KIAA1328: variants seen among roughly 807,000 people sequenced by gnomAD.
KIAA1328 encodes protein hinderin.
In KIAA1328, 52 loss-of-function variants were observed where a neutral mutation model predicts 68.1. That is an observed-to-expected ratio of 0.76 (90% confidence interval 0.61 to 0.96). KIAA1328 has a LOEUF of 0.96. Ranked by LOEUF, KIAA1328 falls within the 40% of genes least tolerant of loss-of-function variation. The pLI is 0.00. For missense variants in KIAA1328, 641 were observed against 677.6 expected, an observed-to-expected ratio of 0.95 and a Z score of 0.60; for synonymous variants, 232 against 239.4, an observed-to-expected ratio of 0.97 and a Z score of 0.28.
rs564856190 is a variant in KIAA1328 at position 36,890,226 on chromosome 18, CTT to C, written c.448+4566_448+4567del. ...AACTAGCTTTTTTTTCTTTCTTCTT[CTT>C]TTTTTTTTTTTAAAAAAAAAGCAAA... On this transcript the variant is annotated intron_variant, in intron 5 of 9. Transcript: ENST00000280020. Among the ~76,000 whole-genome samples the C allele has an allele frequency of 2.7e-3, 375 of 140,296 alleles. 2 individuals are homozygous for C. Among genetic ancestry groups the C allele is most frequent in the African/African-American group, 9.2e-3 (351 of 38,144 alleles). The allele number at this position is 140,296 out of a possible 152,430, so 92.0% of individuals were successfully genotyped here. A position where few individuals can be genotyped will look rare whatever the true frequency, so the allele number is the denominator to read the frequency against.
chr18:37,081,752 C>A (rs896348966), intron 7 of KIAA1328, among the ~76,000 whole-genome samples: 1 of 151,970 alleles, frequency 6.6e-6, no homozygotes, highest in Non-Finnish European at 1.5e-5. Flanking sequence ...CTTTTCAGTG[C>A]ATCCTTCATG....
chr18:36,943,493 A>G (rs1186727726), intron 5 of KIAA1328, among the ~76,000 whole-genome samples: 2 of 152,236 alleles, frequency 1.3e-5, no homozygotes, highest in Non-Finnish European at 2.9e-5. Context: ...TAAGTCCAGT[A>G]GTCTTGCAAT....
Position 37,155,941 on chromosome 18 carries a change from GTTAAGT to G in KIAA1328, c.1233-4256_1233-4251del, listed in dbSNP as rs1259537528. ...CTTACATTTTTCCTTATCTTTCAAG[GTTAAGT>G]TTGAGTATTTCAGGAATCTCTCTTC... On this transcript the variant is annotated intron_variant, in intron 7 of 9. Coordinates refer to ENST00000280020, the MANE Select transcript of KIAA1328 (RefSeq NM_020776.3). Among the ~76,000 whole-genome samples the G allele has an allele frequency of 4.1e-4, 62 of 152,086 alleles. 1 individual carries two copies. Among genetic ancestry groups the G allele is most frequent in the Non-Finnish European group, 4.4e-5 (3 of 68,034 alleles).
chr18:36,836,922 C>T (rs1218304273), intron 3 of KIAA1328, among the ~76,000 whole-genome samples: 1 of 152,076 alleles, frequency 6.6e-6, no homozygotes, highest in African/African-American at 2.4e-5. Flanking sequence ...TTTGATTTAG[C>T]ATAATGATTT....
intron 5 of KIAA1328, among the ~76,000 whole-genome samples, chr18:36,895,009 T>C (rs1207011371): frequency 6.6e-6 from 1 of 152,180 alleles, no homozygotes; most frequent in Non-Finnish European, 1.5e-5. Context: ...TTATTGGGTT[T>C]TCCTACTTAT....
intron 7 of KIAA1328, among the ~76,000 whole-genome samples, chr18:37,132,222 G>A (rs1296824298): frequency 1.3e-5 from 2 of 152,094 alleles, no homozygotes; most frequent in East Asian, 1.9e-4. Context: ...TTGTGTATCC[G>A]AAAACAAAAG....
At chr18:37,116,605 G>A (rs2058115715) in intron 7 of KIAA1328, among the ~76,000 whole-genome samples, 1 of 152,278 alleles carries the variant, frequency 6.6e-6, no homozygotes, top group African/African-American at 2.4e-5. Flanking sequence ...GCATGGGCAA[G>A]GACTTTATGA....
intron 9 of KIAA1328, among the ~76,000 whole-genome samples, chr18:37,187,715 C>T (rs2154216819): frequency 6.6e-6 from 1 of 152,054 alleles, no homozygotes; most frequent in East Asian, 1.9e-4. Context: ...GGTTTTTTCC[C>T]CCCACTTGGG....
Position 37,097,006 on chromosome 18 carries a change from T to G in KIAA1328, c.1232+29461T>G, listed in dbSNP as rs1396541331. On this transcript the variant is annotated intron_variant, in intron 7 of 9. Coordinates refer to ENST00000280020, the MANE Select transcript of KIAA1328 (RefSeq NM_020776.3). The stretch of plus-strand genomic sequence containing the variant: ...CTCAGATGAGTAGATTGCAAAAATT[T>G]TCTCCCATTCTGTAGATTGCCTGTT... 3.3e-5 allele frequency among the ~76,000 whole-genome samples: 5 copies of G among 152,344 alleles called. No individual in the cohort carries two copies. The South Asian group carries it at 1.0e-3, about 32-fold the overall frequency.
intron 5 of KIAA1328, among the ~76,000 whole-genome samples, chr18:36,942,055 T>G (rs755553737): frequency 6.6e-6 from 1 of 152,216 alleles, no homozygotes; most frequent in Non-Finnish European, 1.5e-5. Flanking sequence ...GAAGTTAATA[T>G]TGAAAGGGTT....
intron 4 of KIAA1328, among the ~76,000 whole-genome samples, chr18:36,863,386 G>A (rs2047633185): frequency 6.6e-6 from 1 of 151,900 alleles, no homozygotes; most frequent in African/African-American, 2.4e-5. Flanking sequence ...ACTGGCCTAT[G>A]TGTCTATTTC....
chr18:37,077,570 A>G (rs2056787107), intron 7 of KIAA1328, among the ~76,000 whole-genome samples: 2 of 152,066 alleles, frequency 1.3e-5, no homozygotes, highest in Admixed American at 1.3e-4. Flanking sequence ...AAATGATTGT[A>G]TATTTAGAAA....
chr18:37,175,051 G>A (rs900159951), intron 9 of KIAA1328, among the ~76,000 whole-genome samples: 3 of 152,146 alleles, frequency 2.0e-5, no homozygotes, highest in African/African-American at 7.2e-5. Flanking sequence ...AATGTTGATG[G>A]AGCTTCCTCT....
chr18:36,842,209 C>T (rs1243537335), intron 3 of KIAA1328, among the ~76,000 whole-genome samples: 1 of 152,072 alleles, frequency 6.6e-6, no homozygotes, highest in Non-Finnish European at 1.5e-5. Flanking sequence ...AGGAGGGGCC[C>T]CTTAAAGCTG....
chr18:37,150,393 C>A (rs1264052072), intron 7 of KIAA1328, among the ~76,000 whole-genome samples: 1 of 152,110 alleles, frequency 6.6e-6, no homozygotes, highest in African/African-American at 2.4e-5. Context: ...GCAGACATTG[C>A]CATATGCCTT....
chr18:36,990,626 T>C (rs1418244429), intron 6 of KIAA1328, among the ~76,000 whole-genome samples: 2 of 151,868 alleles, frequency 1.3e-5, no homozygotes, highest in South Asian at 4.1e-4. Context: ...AGCTGAGTTC[T>C]CACCACTGCA....
chr18:36,882,593 A>C lies in KIAA1328; in HGVS notation c.333-2964A>C, dbSNP rs538777837. 5.9e-5 allele frequency among the ~76,000 whole-genome samples: 9 copies of C among 152,312 alleles called. 1 individual carries two copies. In the East Asian group the frequency reaches 1.2e-3, roughly 20 times the overall value. On this transcript the variant is annotated intron_variant, in intron 4 of 9. Coordinates refer to ENST00000280020, the MANE Select transcript of KIAA1328 (RefSeq NM_020776.3). Reference sequence around the variant, plus strand: ...TTAATTTTGTAGCCTTCCAGGGCTTAATAATTGCTAAAGGATAGTCAAATC... The same window carrying C: ...TTAATTTTGTAGCCTTCCAGGGCTTCATAATTGCTAAAGGATAGTCAAATC...
chr18:36,939,562 T>C (rs1377617569), intron 5 of KIAA1328, among the ~76,000 whole-genome samples: 1 of 152,174 alleles, frequency 6.6e-6, no homozygotes, highest in East Asian at 1.9e-4. Context: ...TTCTTCCTTT[T>C]CTATTTGGAT....
intron 4 of KIAA1328, among the ~76,000 whole-genome samples, chr18:36,878,433 G>A (rs111663954): frequency 0.15 from 23,413 of 151,960 alleles, 1,924 homozygotes; most frequent in African/African-American, 0.2. Context: ...TTTCTCTCTG[G>A]CTGCCCTTAA....
Sources: allele counts gnomAD v4.1 joint callset (sites outside exome capture counted in the v4.1 genomes callset), GRCh38; gene constraint gnomAD v4.1.1; transcripts MANE v1.5; gene names NCBI Gene and HGNC (gene_info 2026-07-23, HGNC 2026-07-21).